RAB38: variants seen among roughly 807,000 people sequenced by gnomAD.
RAB38 encodes ras-related protein Rab-38.
A neutral mutation model predicts 18.4 loss-of-function variants in RAB38; 15 were observed. That is an observed-to-expected ratio of 0.82 (90% CI 0.55 to 1.26). The LOEUF (loss-of-function observed/expected upper bound fraction) is 1.26. Ranked by LOEUF, RAB38 falls within the 50% of genes most tolerant of loss-of-function variation. The pLI is 0.00. For synonymous variants in RAB38, 101 were observed against 104.4 expected (o/e 0.97, Z 0.20); for missense variants, 294 against 267.4 (o/e 1.10, Z -0.69).
chr11:87,919,026 G>T, the RAB38 span, among the ~76,000 whole-genome samples: 1 of 151,720 alleles, frequency 6.6e-6, no homozygotes, highest in Non-Finnish European at 1.5e-5. Flanking sequence ...AATCAATTTT[G>T]ATTTTTATAA....
At chr11:88,142,769 G>A (rs541438783) in intron 2 of RAB38, among the ~76,000 whole-genome samples, 1 of 152,268 alleles carries the variant, frequency 6.6e-6, no homozygotes, top group Admixed American at 6.5e-5. Context: ...TGACCAACAT[G>A]GACAAAAGCA....
intron 2 of RAB38, chr11:88,115,965 C>A (rs977841877): frequency 6.6e-6 from 1 of 152,232 alleles, no homozygotes; most frequent in Non-Finnish European, 1.5e-5. Context: ...AAGTATCTTC[C>A]TCACTCTATG....
At chr11:87,886,235 C>T in the RAB38 span, among the ~76,000 whole-genome samples, 4 of 151,852 alleles carry the variant, frequency 2.6e-5, no homozygotes, top group East Asian at 3.9e-4. Context: ...TTGACTCCGC[C>T]GGACTTTGTC....
At chr11:88,122,318 T>C (rs1160991241) in intron 2 of RAB38, among the ~76,000 whole-genome samples, 1 of 152,240 alleles carries the variant, frequency 6.6e-6, no homozygotes, top group South Asian at 2.1e-4. Context: ...TTTTTAATTG[T>C]TCTCACTGTG....
the RAB38 span, among the ~76,000 whole-genome samples, chr11:87,841,263 G>A: frequency 0.014 from 2,105 of 152,084 alleles, 44 homozygotes; most frequent in African/African-American, 0.048. Flanking sequence ...ATCATGAGGC[G>A]GTTACCCACA....
At chr11:87,976,510 T>A in the RAB38 span, among the ~76,000 whole-genome samples, 1 of 18 alleles carries the variant, frequency 0.056, no homozygotes, top group Non-Finnish European at 0.071. Flanking sequence ...ATTTGTAATA[T>A]ATTTATATTT....
the RAB38 span, among the ~76,000 whole-genome samples, chr11:87,856,565 G>C: frequency 6.6e-6 from 1 of 152,188 alleles, no homozygotes. Context: ...AACAGTTTTA[G>C]ATAAATGTAT....
chr11:87,890,702 T>C, the RAB38 span, among the ~76,000 whole-genome samples: 61 of 152,034 alleles, frequency 4.0e-4, no homozygotes, highest in African/African-American at 1.4e-3. Flanking sequence ...GAGGTTCTCT[T>C]CATCCTCTGT....
At chr11:88,146,062 T>G (rs1291786799) in intron 2 of RAB38, among the ~76,000 whole-genome samples, 1 of 152,170 alleles carries the variant, frequency 6.6e-6, no homozygotes, top group Non-Finnish European at 1.5e-5. Context: ...GACACCAACA[T>G]GTATTTAATT....
the RAB38 span, among the ~76,000 whole-genome samples, chr11:87,931,171 C>T: frequency 1.8e-4 from 27 of 152,078 alleles, no homozygotes; most frequent in East Asian, 3.9e-4. Context: ...GCCATTTTCA[C>T]GATATTGATT....
the RAB38 span, among the ~76,000 whole-genome samples, chr11:88,100,343 G>A: frequency 6.6e-6 from 1 of 151,948 alleles, no homozygotes; most frequent in Non-Finnish European, 1.5e-5. Context: ...TTTTAAGGGA[G>A]CCTAGCTAGC....
chr11:88,164,753 G>C (rs1449175172), intron 1 of RAB38, among the ~76,000 whole-genome samples: 5 of 152,030 alleles, frequency 3.3e-5, no homozygotes, highest in African/African-American at 1.2e-4. Context: ...AAACACTAAG[G>C]ATTTGGATGC....
chr11:87,870,710 CCT>C, the RAB38 span, among the ~76,000 whole-genome samples: 1 of 151,550 alleles, frequency 6.6e-6, no homozygotes, highest in Non-Finnish European at 1.5e-5. Context: ...TTGCTTCTGT[CCT>C]CTGCCCAAGC....
the RAB38 span, among the ~76,000 whole-genome samples, chr11:87,929,006 T>A: frequency 6.6e-6 from 1 of 151,908 alleles, no homozygotes; most frequent in Non-Finnish European, 1.5e-5. Flanking sequence ...TTTCAGCTAC[T>A]CAAGAGATTG....
chr11:87,811,750 T>C, the RAB38 span, among the ~76,000 whole-genome samples: 2 of 152,332 alleles, frequency 1.3e-5, no homozygotes, highest in East Asian at 1.9e-4. Flanking sequence ...ATTATATTTA[T>C]TATTTGAAAA....
At chr11:87,918,929 T>TA in the RAB38 span, among the ~76,000 whole-genome samples, 1 of 148,456 alleles carries the variant, frequency 6.7e-6, no homozygotes, top group African/African-American at 2.4e-5. Context: ...TGGGTCACAG[T>TA]AAAAAAAAAA....
chr11:88,056,548 T>C, the RAB38 span, among the ~76,000 whole-genome samples: 1 of 152,118 alleles, frequency 6.6e-6, no homozygotes, highest in Non-Finnish European at 1.5e-5. Flanking sequence ...CTCACGCCTG[T>C]AATCCCAGCA....
chr11:88,148,450 G>A (rs896486313), intron 2 of RAB38, among the ~76,000 whole-genome samples: 2 of 152,098 alleles, frequency 1.3e-5, no homozygotes, highest in Admixed American at 1.3e-4. Flanking sequence ...GTCTCATTAT[G>A]TTCCCACAGA....
the RAB38 span, among the ~76,000 whole-genome samples, chr11:87,863,946 C>A: frequency 6.6e-6 from 1 of 151,708 alleles, no homozygotes; most frequent in African/African-American, 2.4e-5. Context: ...CTATTCAGTG[C>A]AAAGCGGTTA....
Sources: allele counts gnomAD v4.1 joint callset (sites outside exome capture counted in the v4.1 genomes callset), GRCh38; gene constraint gnomAD v4.1.1; transcripts MANE v1.5; gene names NCBI Gene and HGNC (gene_info 2026-07-23, HGNC 2026-07-21).